ERP44: variants seen among roughly 807,000 people sequenced by gnomAD.
The protein encoded by ERP44 is endoplasmic reticulum protein 44.
A neutral mutation model predicts 53.4 loss-of-function variants in ERP44; 25 were observed. The ratio of observed to expected loss-of-function variants is 0.47; its 90% confidence interval spans 0.34 to 0.65. The LOEUF (loss-of-function observed/expected upper bound fraction) is 0.65, where lower values mean the gene tolerates loss of function less well. Ranked by LOEUF, ERP44 falls within the 30% of genes least tolerant of loss-of-function variation. The pLI, the probability that ERP44 is intolerant of heterozygous loss-of-function variation, is 0.01. For missense variants in ERP44, 338 were observed against 493.2 expected (o/e 0.69, Z 2.98); for synonymous variants, 145 against 161.2 (o/e 0.90, Z 0.76).
At chr9:99,982,787 G>A (rs1470677893) in intron 11 of ERP44, 74 bp from the exon 12 acceptor site, 11 of 786,324 alleles carry the variant, frequency 1.4e-5, no homozygotes, top group African/African-American at 3.6e-5. Context: ...AAGTGTATTC[G>A]ATGAATAGTA....
chr9:100,082,001 C>A (rs751120386), intron 1 of ERP44, among the ~76,000 whole-genome samples: 9 of 151,458 alleles, frequency 5.9e-5, no homozygotes, highest in South Asian at 2.1e-4. Flanking sequence ...ATAACATACA[C>A]ACACACAAAA....
intron 9 of ERP44, 102 bp downstream of exon 9, chr9:100,007,476 A>G: frequency 8.8e-6 from 6 of 684,228 alleles, no homozygotes; most frequent in Non-Finnish European, 1.6e-5. Context: ...TTTAACCCAA[A>G]TATGTTTATG....
At chr9:100,018,391 C>T (rs1587964272) in intron 6 of ERP44, 78 bp from the exon 7 acceptor site, 1 of 837,118 alleles carries the variant, frequency 1.2e-6, no homozygotes, top group East Asian at 2.4e-5. Context: ...GAAATATATA[C>T]TTATCCATCA....
At chr9:100,050,596 A>C (rs2118704813) in intron 4 of ERP44, among the ~76,000 whole-genome samples, 1 of 152,356 alleles carries the variant, frequency 6.6e-6, no homozygotes, top group East Asian at 1.9e-4. Context: ...GACTGTGGAA[A>C]ATGTAAATAC....
intron 3 of ERP44, among the ~76,000 whole-genome samples, chr9:100,053,987 C>T (rs1214515458): frequency 1.3e-5 from 2 of 152,162 alleles, no homozygotes; most frequent in Admixed American, 6.5e-5. Context: ...AAACATTATA[C>T]TTCCTCCCTA....
chr9:100,021,101 A>C (rs1830584132), intron 5 of ERP44, among the ~76,000 whole-genome samples: 2 of 152,192 alleles, frequency 1.3e-5, no homozygotes, highest in South Asian at 4.1e-4. Flanking sequence ...TGGCTCTCTC[A>C]CACTCCTACC....
chr9:100,008,804 G>A (rs1284530038), intron 8 of ERP44, among the ~76,000 whole-genome samples: 4 of 152,044 alleles, frequency 2.6e-5, no homozygotes, highest in South Asian at 2.1e-4. Flanking sequence ...TCACTGTGTC[G>A]CCCAGGCTGG....
At chr9:99,988,401 C>A (rs771392308) in intron 10 of ERP44, among the ~76,000 whole-genome samples, 2 of 152,150 alleles carry the variant, frequency 1.3e-5, no homozygotes, top group Admixed American at 6.5e-5. Flanking sequence ...TTTTATCTTA[C>A]ATATAGGTAC....
At chr9:100,074,373 G>A (rs1826334988) in intron 1 of ERP44, among the ~76,000 whole-genome samples, 2 of 152,162 alleles carry the variant, frequency 1.3e-5, no homozygotes, top group African/African-American at 4.8e-5. Flanking sequence ...TCTGACTCAT[G>A]TAGAGCTCTA....
At chr9:100,066,289 A>C (rs1005804040) in intron 1 of ERP44, among the ~76,000 whole-genome samples, 1 of 152,230 alleles carries the variant, frequency 6.6e-6, no homozygotes, top group Non-Finnish European at 1.5e-5. Context: ...AAAATGTAGA[A>C]TGAATCTGTA....
intron 4 of ERP44, among the ~76,000 whole-genome samples, chr9:100,025,829 T>G (rs1830645124): frequency 6.6e-6 from 1 of 152,160 alleles, no homozygotes. Flanking sequence ...TGTCATTACT[T>G]GCAGGTGTTT....
intron 4 of ERP44, among the ~76,000 whole-genome samples, chr9:100,043,291 A>AAAAAAATAAAAAAAAAAAAAAG (rs1168903331): frequency 1.3e-5 from 1 of 74,878 alleles, no homozygotes; most frequent in Admixed American, 2.0e-4. Context: ...AAAAAAAAAA[A>AAAAAAATAAAAAAAAAAAAAAG]GATAAATAAG....
In ERP44 at chr9:99,982,428, T is replaced by TTA; in HGVS notation, c.*183_*184insTA. The TTA allele has an allele frequency of 3.4e-6, 1 of 295,262 alleles. No individual in the cohort carries two copies. The highest frequency in any genetic ancestry group is 6.1e-6 in the Non-Finnish European group (1 of 163,308). The allele number at this position is 295,262 out of a possible 1,614,324, so 18.3% of individuals were successfully genotyped here. On this transcript the variant is annotated 3_prime_UTR_variant, in exon 12 of 12. Coordinates refer to ENST00000262455, the MANE Select transcript of ERP44 (RefSeq NM_015051.3). The stretch of plus-strand genomic sequence containing the variant: ...TAAATCCTAGCAGGTTTTTTTTTTT[T>TTA]AAGAGGCTACTATATTAAATGACAA...
intron 1 of ERP44, among the ~76,000 whole-genome samples, chr9:100,072,703 G>A (rs1215777432): frequency 6.6e-6 from 1 of 152,076 alleles, no homozygotes; most frequent in Non-Finnish European, 1.5e-5. Context: ...TTTGTTTTTA[G>A]TAGAGACGAG....
intron 10 of ERP44, among the ~76,000 whole-genome samples, chr9:99,990,733 A>G (rs1486107487): frequency 6.6e-6 from 1 of 152,208 alleles, no homozygotes; most frequent in Non-Finnish European, 1.5e-5. Flanking sequence ...TTGGATAAAG[A>G]GTCAAGACCC....
At chr9:100,072,601 C>A (rs189642659) in intron 1 of ERP44, among the ~76,000 whole-genome samples, 8 of 152,276 alleles carry the variant, frequency 5.3e-5, no homozygotes, top group Non-Finnish European at 5.9e-5. Context: ...TGGCTCACTG[C>A]AACCTTCGCC....
At chr9:100,009,680 T>C (rs903823767) in intron 8 of ERP44, among the ~76,000 whole-genome samples, 2 of 152,230 alleles carry the variant, frequency 1.3e-5, no homozygotes, top group Non-Finnish European at 2.9e-5. Flanking sequence ...TGATCGCTTA[T>C]CTGTGTCTAC....
At chr9:100,077,423 G>C (rs1465356861) in intron 1 of ERP44, among the ~76,000 whole-genome samples, 2 of 152,130 alleles carry the variant, frequency 1.3e-5, no homozygotes, top group Non-Finnish European at 2.9e-5. Flanking sequence ...ACTTTGCAGG[G>C]CTCGGGCAAA....
chr9:100,004,096 G>A (rs1830404756), intron 10 of ERP44, among the ~76,000 whole-genome samples: 1 of 152,174 alleles, frequency 6.6e-6, no homozygotes, highest in African/African-American at 2.4e-5. Context: ...TAGAGCTTAG[G>A]AGTCTGGCTA....
Sources: gnomAD v4.1 joint callset for allele counts (sites outside exome capture counted in the v4.1 genomes callset) on GRCh38, gnomAD v4.1.1 for gene constraint, MANE v1.5 for transcripts, NCBI Gene and HGNC (gene_info 2026-07-23, HGNC 2026-07-21) for gene names.